DZIP3: variants seen among roughly 807,000 people sequenced by gnomAD.
The protein encoded by DZIP3 is DAZ interacting zinc finger protein 3, also known as E3 ubiquitin-protein ligase DZIP3.
A neutral mutation model predicts 162.0 loss-of-function variants in DZIP3; 118 were observed. That is an observed-to-expected ratio of 0.73 (90% CI 0.63 to 0.85). DZIP3 has a LOEUF of 0.85. DZIP3 is among the 40% of genes least tolerant of loss of function. DZIP3 has a pLI of 0.00. For missense variants in DZIP3, 1,331 were observed against 1,407.0 expected, an observed-to-expected ratio of 0.95 and a Z score of 0.86; for synonymous variants, 438 against 458.6, an observed-to-expected ratio of 0.96 and a Z score of 0.57.
intron 19 of DZIP3, among the ~76,000 whole-genome samples, chr3:108,657,870 A>G (rs1186448975): frequency 1.3e-5 from 2 of 152,210 alleles, no homozygotes; most frequent in Admixed American, 1.3e-4. Context: ...CTTTAAACCA[A>G]CAAAGATCAA....
Position 108,637,547 on chromosome 3 carries a change from A to G in DZIP3, c.1063A>G (p.Ser355Gly). The G allele has an allele frequency of 8.7e-6, 14 of 1,609,020 alleles. No individual in the cohort carries two copies. The highest frequency in any genetic ancestry group is 1.1e-5 in the Non-Finnish European group (13 of 1,177,952). Residue 355 changes from serine to glycine, a missense_variant and splice_region_variant, in exon 12 of 33, where the codon AGT becomes GGT. Physicochemically the swap from Ser to Gly is moderately conservative, Grantham distance 56. This residue lies in a region of DZIP3 where 1,278 missense variants were observed against 1,317.1 expected (regional missense o/e 0.97). Coordinates refer to ENST00000361582, the MANE Select transcript of DZIP3 (RefSeq NM_014648.4). ...EYITIENLGASYRKLISLKIT... is the reference protein window; with the variant it reads ...EYITIENLGAGYRKLISLKIT... ...TATCACCATTGAAAATTTAGGAGCAAGGTAAGCTTAAAATAAAATACTCTG... is the reference window on the plus strand; with the variant it reads ...TATCACCATTGAAAATTTAGGAGCAGGGTAAGCTTAAAATAAAATACTCTG...
chr3:108,690,819 A>G lies in DZIP3; in HGVS notation c.3549A>G (p.Thr1183=), dbSNP rs1944663110. 6.2e-7 allele frequency: 1 copy of G among 1,613,998 alleles called. No homozygotes were observed. The highest frequency in any genetic ancestry group is 1.7e-5 in the Admixed American group (1 of 60,004). ...CIRPWLMQQG[T]CPTCRLHVLL... ...GACCATGGTTGATGCAACAGGGGAC[A>G]TGTCCAACGTGCAGACTCCACGTTT... The change falls in exon 32 of 33, where the codon ACA becomes ACG. Residue 1183 remains threonine, a synonymous_variant. Coordinates refer to ENST00000361582, the MANE Select transcript of DZIP3 (RefSeq NM_014648.4).
intron 19 of DZIP3, among the ~76,000 whole-genome samples, chr3:108,657,690 G>C (rs371556914): frequency 5.3e-5 from 8 of 152,208 alleles, no homozygotes; most frequent in East Asian, 3.9e-4. Context: ...AAGACACAGA[G>C]TGGCAAATTG....
chr3:108,624,919 A>G (rs545626150), intron 6 of DZIP3, among the ~76,000 whole-genome samples: 1 of 152,104 alleles, frequency 6.6e-6, no homozygotes, highest in Admixed American at 6.5e-5. Flanking sequence ...ATGATTTCTC[A>G]TATTTTCTTC....
At chr3:108,590,807 G>GA (rs1939358878) in intron 1 of DZIP3, among the ~76,000 whole-genome samples, 1 of 152,154 alleles carries the variant, frequency 6.6e-6, no homozygotes, top group African/African-American at 2.4e-5. Flanking sequence ...TCTTCATTAG[G>GA]TAAAATCTGG....
At chr3:108,600,015 A>G (rs921580616) in intron 1 of DZIP3, among the ~76,000 whole-genome samples, 7 of 152,058 alleles carry the variant, frequency 4.6e-5, no homozygotes, top group Non-Finnish European at 7.3e-5. Context: ...ACTCAGATCA[A>G]CAATAGTTAA....
chr3:108,599,663 AC>A (rs1939894875), intron 1 of DZIP3, among the ~76,000 whole-genome samples: 1 of 152,002 alleles, frequency 6.6e-6, no homozygotes, highest in Non-Finnish European at 1.5e-5. Context: ...TGAAATCCTA[AC>A]CCCCAATGTG....
chr3:108,619,302 ATGTG>A (rs35589891), intron 5 of DZIP3, among the ~76,000 whole-genome samples: 134 of 148,222 alleles, frequency 9.0e-4, no homozygotes, highest in Middle Eastern at 3.4e-3. Flanking sequence ...ATATGTGTGT[ATGTG>A]TGTGTGTGTG....
intron 10 of DZIP3, chr3:108,635,305 G>A: frequency 4.2e-6 from 1 of 238,726 alleles, no homozygotes. Context: ...TTGCATATAT[G>A]CACATAGGAT....
intron 12 of DZIP3, 74 bp from the exon 13 acceptor site, chr3:108,642,364 G>C: frequency 7.2e-7 from 1 of 1,387,942 alleles, no homozygotes; most frequent in South Asian, 1.4e-5. Flanking sequence ...ACTTAGCCAT[G>C]CTCATACTAG....
In DZIP3 at chr3:108,631,055, A is replaced by ACACACACACACACATACACTCTCT; in HGVS notation, c.696+1880_696+1881insACACACACACACATACACTCTCTC. Among the ~76,000 whole-genome samples, 11 of 18,014 alleles carry ACACACACACACACATACACTCTCT rather than the reference A, an allele frequency of 6.1e-4. 1 individual carries two copies. The South Asian group carries it at 7.0e-3, about 12-fold the overall frequency. The allele number at this position is 18,014 out of a possible 152,430, so 11.8% of individuals were successfully genotyped here. On this transcript the variant is annotated intron_variant, in intron 8 of 32. Coordinates refer to ENST00000361582, the MANE Select transcript of DZIP3 (RefSeq NM_014648.4). The stretch of plus-strand genomic sequence containing the variant: ...CACACACACACACACACACACACAC[A>ACACACACACACACATACACTCTCT]CTCTCTCTCTCTCTCTCTCTCTCTC...
chr3:108,644,560 T>A lies in DZIP3; in HGVS notation c.1538T>A (p.Leu513His), dbSNP rs1270986571. 1.2e-6 allele frequency: 2 copies of A among 1,614,112 alleles called. No individual in the cohort carries two copies. The highest frequency in any genetic ancestry group is 1.7e-6 in the Non-Finnish European group (2 of 1,179,976). The change falls in exon 14 of 33, where the codon CTT becomes CAT. Residue 513 changes from leucine (L) to histidine (H), a missense_variant. This residue lies in a region of DZIP3 where 1,278 missense variants were observed against 1,317.1 expected (regional missense o/e 0.97). Transcript: ENST00000361582. ...CTGTGCAAATACAGGGATATCCTCC[T>A]TAGTGAGATTTTGATGAATGGTCTC... ...LRLCKYRDIL[L>H]SEILMNGLTE...
At chr3:108,623,080 G>A (rs1941439959) in intron 5 of DZIP3, among the ~76,000 whole-genome samples, 1 of 151,830 alleles carries the variant, frequency 6.6e-6, no homozygotes, top group South Asian at 2.1e-4. Context: ...GTTTCTCTCT[G>A]GCCCAGGGCG....
intron 22 of DZIP3, among the ~76,000 whole-genome samples, chr3:108,671,980 C>T (rs1195213432): frequency 6.6e-6 from 1 of 151,862 alleles, no homozygotes; most frequent in African/African-American, 2.4e-5. Context: ...TCTCACAGTT[C>T]TGGAAGCTGG....
Position 108,621,904 on chromosome 3 carries a change from C to T in DZIP3, c.376-2540C>T, listed in dbSNP as rs372891935. Among the ~76,000 whole-genome samples, 17 of 152,100 alleles carry T rather than the reference C, an allele frequency of 1.1e-4. No individual in the cohort carries two copies. In the East Asian group the frequency reaches 2.9e-3, roughly 26 times the overall value. The stretch of plus-strand genomic sequence containing the variant: ...ATAACGAAAATATGGTACATATACA[C>T]AGGGGAGTACTATTCAGCCATAAAA... On this transcript the variant is annotated intron_variant, in intron 5 of 32. Coordinates refer to ENST00000361582, the MANE Select transcript of DZIP3 (RefSeq NM_014648.4).
intron 21 of DZIP3, among the ~76,000 whole-genome samples, chr3:108,667,509 G>A (rs1413473636): frequency 1.3e-5 from 2 of 152,108 alleles, no homozygotes; most frequent in African/African-American, 4.8e-5. Flanking sequence ...AAGGGAAGTG[G>A]TTGTGGCTTT....
In DZIP3 at chr3:108,654,936, T is replaced by C. The variant is rs373875168; in HGVS notation, c.2199+626T>C. Among the ~76,000 whole-genome samples, 9 of 152,340 alleles carry C rather than the reference T, an allele frequency of 5.9e-5. No individual in the cohort carries two copies. The South Asian group carries it at 8.3e-4, about 14-fold the overall frequency. On this transcript the variant is annotated intron_variant, in intron 19 of 32. Transcript: ENST00000361582. Reference sequence around the variant, plus strand: ...TGTTTAAATATAGTGGTATGTAATATGTAGGAATACTCATTGTCTAAGGGT... The same window carrying C: ...TGTTTAAATATAGTGGTATGTAATACGTAGGAATACTCATTGTCTAAGGGT...
At chr3:108,661,133 G>A (rs1292868623) in intron 19 of DZIP3, among the ~76,000 whole-genome samples, 1 of 152,102 alleles carries the variant, frequency 6.6e-6, no homozygotes, top group Admixed American at 6.5e-5. Context: ...TCCCATTACT[G>A]GGTATATACC....
intron 21 of DZIP3, 34 bp from the exon 22 acceptor site, chr3:108,669,647 T>C (rs551951281): frequency 1.9e-6 from 3 of 1,593,964 alleles, no homozygotes; most frequent in Middle Eastern, 1.7e-4. Flanking sequence ...AAATAATTTC[T>C]AACATCTTTT....
Sources: allele counts gnomAD v4.1 joint callset (sites outside exome capture counted in the v4.1 genomes callset), GRCh38; gene constraint gnomAD v4.1.1; regional missense constraint gnomAD v4.1.1; transcripts MANE v1.5; gene names NCBI Gene and HGNC (gene_info 2026-07-23, HGNC 2026-07-21).